REDIC1: variants seen among roughly 807,000 people sequenced by gnomAD.
REDIC1 encodes the protein regulator of DNA class I crossover intermediates 1, also known as HEI10 Interacting Protein 1.
chr12:39,704,926 G>A, the REDIC1 span, among the ~76,000 whole-genome samples: 28 of 152,158 alleles, frequency 1.8e-4, no homozygotes, highest in East Asian at 1.4e-3. Context: ...CTGTTGTGGC[G>A]TGGGGGGAGG....
chr12:39,881,008 T>A, the REDIC1 span, among the ~76,000 whole-genome samples: 1 of 152,266 alleles, frequency 6.6e-6, no homozygotes, highest in African/African-American at 2.4e-5. Context: ...TATAACAGGT[T>A]ACATGTGATT....
chr12:39,802,217 A>C, the REDIC1 span: 1 of 152,128 alleles, frequency 6.6e-6, no homozygotes. Context: ...GAAATTATTA[A>C]TCATTTTTAA....
the REDIC1 span, among the ~76,000 whole-genome samples, chr12:39,854,160 G>C: frequency 6.6e-6 from 1 of 151,660 alleles, no homozygotes; most frequent in South Asian, 2.1e-4. Context: ...AGAACAAAAT[G>C]GCTCTGCAAC....
At chr12:39,652,634 G>A in the REDIC1 span, among the ~76,000 whole-genome samples, 2 of 151,988 alleles carry the variant, frequency 1.3e-5, no homozygotes, top group Non-Finnish European at 2.9e-5. Context: ...TGTGCTTATG[G>A]TGTCAAAACC....
the REDIC1 span, among the ~76,000 whole-genome samples, chr12:39,669,313 G>C: frequency 1.3e-5 from 2 of 152,162 alleles, no homozygotes; most frequent in Non-Finnish European, 2.9e-5. Context: ...TATGCTGGAG[G>C]TCCACTCCAG....
At chr12:39,815,662 G>A in the REDIC1 span, among the ~76,000 whole-genome samples, 1 of 152,132 alleles carries the variant, frequency 6.6e-6, no homozygotes, top group Non-Finnish European at 1.5e-5. Flanking sequence ...TATAGAAAAA[G>A]CACTGGAAAG....
the REDIC1 span, among the ~76,000 whole-genome samples, chr12:39,706,680 T>C: frequency 2.0e-5 from 3 of 151,856 alleles, no homozygotes; most frequent in Non-Finnish European, 2.9e-5. Flanking sequence ...TGGAACAGAA[T>C]AGAGAACCCA....
the REDIC1 span, among the ~76,000 whole-genome samples, chr12:39,792,648 T>G: frequency 6.6e-6 from 1 of 152,116 alleles, no homozygotes; most frequent in Non-Finnish European, 1.5e-5. Context: ...AACCCACACA[T>G]ACTCAAGTCC....
At chr12:39,653,503 C>CTTCTTCTTCTTCTTCTTCTTT in the REDIC1 span, among the ~76,000 whole-genome samples, 1 of 42,876 alleles carries the variant, frequency 2.3e-5, no homozygotes, top group Non-Finnish European at 5.4e-5. Flanking sequence ...TCTTCTTCTT[C>CTTCTTCTTCTTCTTCTTCTTT]TTCTTCTTCT....
At chr12:39,642,227 T>G in the REDIC1 span, among the ~76,000 whole-genome samples, 1 of 151,810 alleles carries the variant, frequency 6.6e-6, no homozygotes, top group Non-Finnish European at 1.5e-5. Context: ...GGAACAGATA[T>G]TAGAGGCTAT....
At chr12:39,669,051 C>T in the REDIC1 span, among the ~76,000 whole-genome samples, 1 of 152,188 alleles carries the variant, frequency 6.6e-6, no homozygotes, top group Non-Finnish European at 1.5e-5. Context: ...CTTCTCTCAA[C>T]TCATCAAAGT....
the REDIC1 span, among the ~76,000 whole-genome samples, chr12:39,896,083 CAT>C: frequency 2.8e-5 from 4 of 145,118 alleles, no homozygotes; most frequent in South Asian, 8.5e-4. Context: ...TACACGTGTA[CAT>C]ATATGTATAC....
the REDIC1 span, among the ~76,000 whole-genome samples, chr12:39,667,021 C>G: frequency 7.6e-6 from 1 of 132,402 alleles, no homozygotes; most frequent in Non-Finnish European, 1.7e-5. Context: ...AAACCAGCTC[C>G]TGGATTCATT....
the REDIC1 span, among the ~76,000 whole-genome samples, chr12:39,647,577 A>G: frequency 6.6e-6 from 1 of 152,110 alleles, no homozygotes; most frequent in East Asian, 1.9e-4. Context: ...AGGAGTAGGG[A>G]AGGCAGAGGG....
At chr12:39,790,173 A>G in the REDIC1 span, among the ~76,000 whole-genome samples, 2 of 150,270 alleles carry the variant, frequency 1.3e-5, no homozygotes, top group East Asian at 3.9e-4. Context: ...TTGAAGAAAG[A>G]ATTTTTTATT....
the REDIC1 span, among the ~76,000 whole-genome samples, chr12:39,699,973 A>T: frequency 6.6e-6 from 1 of 151,914 alleles, no homozygotes; most frequent in Non-Finnish European, 1.5e-5. Context: ...AGTAGATAAA[A>T]CCACAAAGAT....
the REDIC1 span, among the ~76,000 whole-genome samples, chr12:39,693,962 T>C: frequency 6.6e-6 from 1 of 152,202 alleles, no homozygotes; most frequent in South Asian, 2.1e-4. Context: ...CCAACAGGGA[T>C]TGTGGTCAAA....
chr12:39,635,174 A>G, the REDIC1 span, among the ~76,000 whole-genome samples: 3 of 152,200 alleles, frequency 2.0e-5, no homozygotes, highest in Admixed American at 6.5e-5. Context: ...GAGAAATAGG[A>G]ACACTTTTAC....
chr12:39,898,792 C>T, the REDIC1 span, among the ~76,000 whole-genome samples: 251 of 152,212 alleles, frequency 1.6e-3, 1 homozygote, highest in Non-Finnish European at 2.6e-3. Context: ...TCTCTCACAG[C>T]ATGAACAAAT....
Sources: allele counts gnomAD v4.1 joint callset (sites outside exome capture counted in the v4.1 genomes callset), GRCh38; gene constraint gnomAD v4.1.1; transcripts MANE v1.5; gene names NCBI Gene and HGNC (gene_info 2026-07-23, HGNC 2026-07-21).